KCNN2: variants seen among roughly 807,000 people sequenced by gnomAD.
The protein encoded by KCNN2 is small conductance calcium-activated potassium channel protein 2.
A neutral mutation model predicts 55.5 loss-of-function variants in KCNN2; 24 were observed. The ratio of observed to expected loss-of-function variants is 0.43; its 90% confidence interval spans 0.31 to 0.61. The LOEUF (loss-of-function observed/expected upper bound fraction) is 0.61, where lower values mean the gene tolerates loss of function less well. Among genes scored for constraint, KCNN2 ranks in the 20% least tolerant of loss-of-function variants. The probability of loss-of-function intolerance (pLI) is 0.08; values close to 1 mark genes in which losing one functional copy is unlikely to be tolerated. For missense variants in KCNN2, 754 were observed against 853.6 expected (o/e 0.88, Z 1.45); for synonymous variants, 431 against 336.1 (o/e 1.28, Z -3.09).
At chr5:114,283,011 T>C (rs1185872819) in intron 2 of KCNN2, among the ~76,000 whole-genome samples, 4 of 152,202 alleles carry the variant, frequency 2.6e-5, no homozygotes, top group Non-Finnish European at 5.9e-5. Flanking sequence ...TTTTCTTTTC[T>C]GCAGCTCCAC....
intron 2 of KCNN2, among the ~76,000 whole-genome samples, chr5:114,317,263 A>G (rs1487225163): frequency 6.6e-6 from 1 of 151,996 alleles, no homozygotes; most frequent in Non-Finnish European, 1.5e-5. Flanking sequence ...CAGCTTTGTA[A>G]TGTCTCAAGC....
chr5:114,209,102 G>A (rs577847582), intron 1 of KCNN2, among the ~76,000 whole-genome samples: 1 of 151,632 alleles, frequency 6.6e-6, no homozygotes, highest in Non-Finnish European at 1.5e-5. Context: ...TGTTGCCCAG[G>A]CTGGAGTGCA....
Position 114,123,351 on chromosome 5 carries a change from A to ATTT in KCNN2, c.-271+66878_-271+66880dup, listed in dbSNP as rs1172994171. Among the ~76,000 whole-genome samples, 77 of 65,012 alleles carry ATTT rather than the reference A, an allele frequency of 1.2e-3. 13 individuals are homozygous for ATTT. The highest frequency in any genetic ancestry group is 3.9e-3 in the African/African-American group (51 of 13,122). 42.7% of individuals were successfully genotyped at this position (65,012 alleles called of 152,430 possible). On this transcript the variant is annotated intron_variant, in intron 1 of 10. Transcript: ENST00000512097. ...ATACTGTAAGAGGTACATTTTCTTA[A>ATTT]TTTTTTTTTTTTTTTTTTTTTTTTT...
intron 2 of KCNN2, among the ~76,000 whole-genome samples, chr5:114,333,306 G>A (rs1444381637): frequency 6.6e-6 from 1 of 152,150 alleles, no homozygotes; most frequent in Non-Finnish European, 1.5e-5. Flanking sequence ...GAACACAAAT[G>A]AGTTTTCTTT....
At chr5:114,069,017 G>C (rs1000672749) in intron 1 of KCNN2, among the ~76,000 whole-genome samples, 3 of 152,088 alleles carry the variant, frequency 2.0e-5, no homozygotes, top group African/African-American at 7.2e-5. Flanking sequence ...GTTTCACTAC[G>C]TTGTACAGGC....
At chr5:114,304,523 T>C (rs927070974) in intron 2 of KCNN2, among the ~76,000 whole-genome samples, 1 of 152,196 alleles carries the variant, frequency 6.6e-6, no homozygotes, top group Non-Finnish European at 1.5e-5. Context: ...ATCAAGTGCT[T>C]CATCTTGACC....
chr5:114,173,369 C>A (rs1422549820), intron 1 of KCNN2, among the ~76,000 whole-genome samples: 2 of 151,078 alleles, frequency 1.3e-5, no homozygotes, highest in South Asian at 4.2e-4. Context: ...AATGTGATTT[C>A]TCTGGTTTTG....
upstream of KCNN2, among the ~76,000 whole-genome samples, chr5:114,361,705 C>T (rs1481712721): frequency 6.6e-6 from 1 of 152,178 alleles, no homozygotes; most frequent in Non-Finnish European, 1.5e-5. Flanking sequence ...CCGGGCAGCG[C>T]GTCCGGCACT....
chr5:114,453,625 T>C (rs1490785346), intron 3 of KCNN2, among the ~76,000 whole-genome samples: 1 of 152,218 alleles, frequency 6.6e-6, no homozygotes, highest in East Asian at 1.9e-4. Context: ...TCTGGAAAGA[T>C]AGTTGTTGGA....
chr5:114,217,972 G>A (rs985200721), intron 1 of KCNN2, among the ~76,000 whole-genome samples: 2 of 152,144 alleles, frequency 1.3e-5, no homozygotes, highest in African/African-American at 4.8e-5. Context: ...GATACAGATG[G>A]CAAATTAGCA....
chr5:114,233,190 G>C (rs1754399317), intron 2 of KCNN2, among the ~76,000 whole-genome samples: 2 of 151,704 alleles, frequency 1.3e-5, no homozygotes, highest in African/African-American at 4.8e-5. Context: ...AAAGTGCTGG[G>C]ATTACAGGCG....
At chr5:114,391,354 C>T (rs138419298) in intron 2 of KCNN2, among the ~76,000 whole-genome samples, 1 of 152,248 alleles carries the variant, frequency 6.6e-6, no homozygotes, top group African/African-American at 2.4e-5. Flanking sequence ...TTAATGCATA[C>T]TAATCATGTA....
At position 114,291,721 on chromosome 5, in the gene KCNN2, A is replaced by G. The variant is rs575938963; in HGVS notation, c.-184-69224A>G. Reference sequence around the variant, plus strand: ...GTATATACCCAGTAATGGGATGGCTAGGTCAAATGGTATTTCTAGTTCTAG... The same window carrying G: ...GTATATACCCAGTAATGGGATGGCTGGGTCAAATGGTATTTCTAGTTCTAG... On this transcript the variant is annotated intron_variant, in intron 2 of 10. Transcript: ENST00000512097. Among the ~76,000 whole-genome samples the G allele has an allele frequency of 1.3e-3, 192 of 152,262 alleles. 1 individual carries two copies. The highest frequency in any genetic ancestry group is 4.4e-3 in the African/African-American group (181 of 41,568).
chr5:114,251,880 CTTTT>C (rs200692821), intron 2 of KCNN2, among the ~76,000 whole-genome samples: 4 of 133,282 alleles, frequency 3.0e-5, no homozygotes, highest in African/African-American at 2.7e-5. Flanking sequence ...TTTTCTTTTT[CTTTT>C]TTTTTTTTTT....
At chr5:114,345,126 A>G (rs1456060916) in intron 2 of KCNN2, among the ~76,000 whole-genome samples, 1 of 152,202 alleles carries the variant, frequency 6.6e-6, no homozygotes, top group Non-Finnish European at 1.5e-5. Flanking sequence ...CACACAGTGA[A>G]ATACTGTGTA....
chr5:114,373,638 T>TC (rs1355797227), intron 2 of KCNN2, among the ~76,000 whole-genome samples: 1 of 43,400 alleles, frequency 2.3e-5, no homozygotes, highest in Non-Finnish European at 5.0e-5. Context: ...GTTATGAAGA[T>TC]TTTATATATA....
intron 1 of KCNN2, among the ~76,000 whole-genome samples, chr5:114,072,633 A>G (rs1163660572): frequency 6.6e-6 from 1 of 152,136 alleles, no homozygotes; most frequent in Non-Finnish European, 1.5e-5. Context: ...TGTTATAGCA[A>G]CACAGAACAG....
At chr5:114,424,972 T>G (rs969368570) in intron 3 of KCNN2, among the ~76,000 whole-genome samples, 5 of 152,070 alleles carry the variant, frequency 3.3e-5, no homozygotes, top group African/African-American at 1.2e-4. Context: ...AAGACGTTGT[T>G]TATATAATGG....
chr5:114,326,562 T>C (rs1323423509), intron 2 of KCNN2, among the ~76,000 whole-genome samples: 1 of 152,168 alleles, frequency 6.6e-6, no homozygotes, highest in Admixed American at 6.5e-5. Flanking sequence ...AAACTGCTTC[T>C]GCACAATTCC....
Sources: allele counts gnomAD v4.1 joint callset (sites outside exome capture counted in the v4.1 genomes callset), GRCh38; gene constraint gnomAD v4.1.1; transcripts MANE v1.5; gene names NCBI Gene and HGNC (gene_info 2026-07-23, HGNC 2026-07-21).